CACNA1A: variants seen among roughly 807,000 people sequenced by gnomAD.
The protein encoded by CACNA1A is voltage-dependent P/Q-type calcium channel subunit alpha-1A.
In CACNA1A, 57 loss-of-function variants were observed where a neutral mutation model predicts 262.4. That is an observed-to-expected ratio of 0.22 (90% confidence interval 0.18 to 0.27). The LOEUF (loss-of-function observed/expected upper bound fraction) is 0.27, where lower values mean the gene tolerates loss of function less well. Ranked by LOEUF, CACNA1A falls within the 10% of genes least tolerant of loss-of-function variation. The pLI is 1.00. For synonymous variants in CACNA1A, 1,431 were observed against 1,419.3 expected (o/e 1.01, Z -0.18); for missense variants, 2,526 against 3,562.8 (o/e 0.71, Z 7.41).
At chr19:13,446,457 T>A (rs1027097034) in intron 3 of CACNA1A, among the ~76,000 whole-genome samples, 16 of 147,876 alleles carry the variant, frequency 1.1e-4, no homozygotes, top group Non-Finnish European at 1.8e-4. Flanking sequence ...TTTTTTTTTT[T>A]TTGAGACAGA....
At chr19:13,422,196 C>T (rs372373154) in intron 3 of CACNA1A, among the ~76,000 whole-genome samples, 1 of 152,040 alleles carries the variant, frequency 6.6e-6, no homozygotes. Context: ...TGGCATGCAC[C>T]TGTGGGCTCA....
intron 3 of CACNA1A, among the ~76,000 whole-genome samples, chr19:13,380,749 G>GTTTATTTA (rs758031682): frequency 0.03 from 2,452 of 80,978 alleles, 39 homozygotes; most frequent in Non-Finnish European, 0.044. Flanking sequence ...TTGTTTGTTT[G>GTTTATTTA]TTTATTTATT....
At chr19:13,329,212 T>C (rs986353672) in intron 10 of CACNA1A, among the ~76,000 whole-genome samples, 3 of 152,174 alleles carry the variant, frequency 2.0e-5, no homozygotes, top group African/African-American at 7.2e-5. Context: ...CTCTGGCCCT[T>C]GTGGTGGCAA....
At chr19:13,356,806 C>T (rs536772890) in intron 6 of CACNA1A, among the ~76,000 whole-genome samples, 1 of 152,292 alleles carries the variant, frequency 6.6e-6, no homozygotes, top group South Asian at 2.1e-4. Flanking sequence ...AAAGTAAAAA[C>T]CTAGAACCCA....
At position 13,207,327 on chromosome 19, in the gene CACNA1A, C is replaced by G. The variant is rs780693455; in HGVS notation, c.7507G>C (p.Asp2503His). The change falls in exon 47 of 47, where the codon GAT becomes CAT. Residue 2503 changes from aspartate (D) to histidine (H), a missense_variant. Asp to His is a moderately conservative substitution (Grantham distance 81). Coordinates refer to ENST00000360228, the MANE Select transcript of CACNA1A (RefSeq NM_001127222.2). This position sits in a 1 kb window ranked among gnomAD's most constrained non-coding sequence, Gnocchi z 5.7. ...GLHEPYSESD[D>H]DWC ...CTCGCCCGGGCTTAGCACCAATCAT[C>G]GTCACTCTCGCTGTAGGGTTCGTGC... 1 of 1,560,324 alleles carries G rather than the reference C, an allele frequency of 6.4e-7. No individual in the cohort carries two copies. Among genetic ancestry groups the G allele is most frequent in the Non-Finnish European group, 8.6e-7 (1 of 1,160,530 alleles).
chr19:13,495,626 A>G (rs1022437987), intron 1 of CACNA1A, among the ~76,000 whole-genome samples: 2 of 152,204 alleles, frequency 1.3e-5, no homozygotes, highest in Admixed American at 6.5e-5. Context: ...TGGAAAAGGT[A>G]CAAATAAGGT....
At chr19:13,482,832 C>G (rs1037720984) in intron 1 of CACNA1A, among the ~76,000 whole-genome samples, 1 of 150,942 alleles carries the variant, frequency 6.6e-6, no homozygotes, top group African/African-American at 2.4e-5. Context: ...TTCTCTCCCC[C>G]CTTCTTTCTC....
At chr19:13,228,845 TC>T in intron 36 of CACNA1A, 1 of 1,075,854 alleles carries the variant, frequency 9.3e-7, no homozygotes. Flanking sequence ...TCACACGGGC[TC>T]CCTGGGCACA....
At chr19:13,314,098 A>C (rs1330420008) in intron 11 of CACNA1A, among the ~76,000 whole-genome samples, 2 of 152,224 alleles carry the variant, frequency 1.3e-5, no homozygotes, top group African/African-American at 2.4e-5. Context: ...GCTCCAGCAA[A>C]TAAATGGCTG....
At chr19:13,233,219 G>A (rs1463933293) in intron 34 of CACNA1A, among the ~76,000 whole-genome samples, 1 of 151,936 alleles carries the variant, frequency 6.6e-6, no homozygotes, top group Non-Finnish European at 1.5e-5. Context: ...GGCTTGGCCT[G>A]CCCTTCCCCA....
chr19:13,404,071 A>T (rs944068018), intron 3 of CACNA1A, among the ~76,000 whole-genome samples: 1 of 152,110 alleles, frequency 6.6e-6, no homozygotes, highest in African/African-American at 2.4e-5. Context: ...TCTGTGCCTC[A>T]AGTCTTATTT....
intron 1 of CACNA1A, among the ~76,000 whole-genome samples, chr19:13,500,954 C>T (rs10405370): frequency 0.73 from 110,208 of 151,980 alleles, 40,941 homozygotes; most frequent in African/African-American, 0.9. Flanking sequence ...TGTGAAATTA[C>T]ATTTATATGA....
chr19:13,228,652 G>T, intron 36 of CACNA1A: 1 of 793,278 alleles, frequency 1.3e-6, no homozygotes, highest in Non-Finnish European at 2.0e-6. Flanking sequence ...AGAACCCCAA[G>T]CCACACTCAT....
At position 13,249,998 on chromosome 19, in the gene CACNA1A, G is replaced by T. The variant is rs532688584; in HGVS notation, c.4866+2993C>A. 3.9e-5 allele frequency among the ~76,000 whole-genome samples: 6 copies of T among 152,170 alleles called. No homozygotes were observed. The South Asian group carries it at 1.2e-3, about 32-fold the overall frequency. On this transcript the variant is annotated intron_variant, in intron 30 of 46. Coordinates refer to ENST00000360228, the MANE Select transcript of CACNA1A (RefSeq NM_001127222.2). ...CAAGTCCCACCTTGGCCACTCACTG[G>T]GGACCTTCAAGAATTCACTTCACTT...
chr19:13,436,191 G>A lies in CACNA1A; in HGVS notation c.539+16685C>T, dbSNP rs553729239. Among the ~76,000 whole-genome samples, 69 of 152,270 alleles carry A rather than the reference G, an allele frequency of 4.5e-4. 1 individual carries two copies. Among genetic ancestry groups the A allele is most frequent in the African/African-American group, 1.6e-3 (66 of 41,528 alleles). On this transcript the variant is annotated intron_variant, in intron 3 of 46. Coordinates refer to ENST00000360228, the MANE Select transcript of CACNA1A (RefSeq NM_001127222.2). ...ATCAGGGATTGTTCCCTGAGCCTTC[G>A]CTTTTTCGAAGCACTCAGCATTCCT...
intron 1 of CACNA1A, among the ~76,000 whole-genome samples, chr19:13,473,717 G>C (rs1190285330): frequency 6.6e-6 from 1 of 151,730 alleles, no homozygotes; most frequent in Non-Finnish European, 1.5e-5. Flanking sequence ...TCCCCACCAT[G>C]TACATCCCAG....
chr19:13,321,187 C>A (rs1382857154), intron 10 of CACNA1A, among the ~76,000 whole-genome samples: 2 of 152,028 alleles, frequency 1.3e-5, no homozygotes, highest in Admixed American at 1.3e-4. Context: ...GTGCCCACTA[C>A]CACGTCCGAA....
At position 13,207,547 on chromosome 19, in the gene CACNA1A, G is replaced by A. The variant is rs373476869; in HGVS notation, c.7287C>T (p.Ala2429=). Residue 2429 remains alanine, a synonymous_variant, in exon 47 of 47, where the codon GCC becomes GCT. Transcript: ENST00000360228. This position sits in a 1 kb window ranked among gnomAD's most constrained non-coding sequence, Gnocchi z 5.7. The part of the protein sequence containing the change: ...DGPGSGGGEE[A]MAGAYDAPPP... ...GTGGCGCGTCGTAGGCCCCGGCCATGGCCTCCTCGCCGCCCCCGCTGCCCG... is the reference window on the plus strand; with the variant it reads ...GTGGCGCGTCGTAGGCCCCGGCCATAGCCTCCTCGCCGCCCCCGCTGCCCG... 2 of 1,458,100 alleles carry A rather than the reference G, an allele frequency of 1.4e-6. No individual in the cohort carries two copies. Among genetic ancestry groups the A allele is most frequent in the East Asian group, 6.1e-5 (2 of 32,658 alleles). The allele number at this position is 1,458,100 out of a possible 1,614,324, so 90.3% of individuals were successfully genotyped here.
chr19:13,265,679 T>G (rs557374774), intron 24 of CACNA1A, among the ~76,000 whole-genome samples: 1 of 152,240 alleles, frequency 6.6e-6, no homozygotes, highest in African/African-American at 2.4e-5. Flanking sequence ...TTATTATACT[T>G]TAAGTTTCTT....
Sources: gnomAD v4.1 joint callset for allele counts (sites outside exome capture counted in the v4.1 genomes callset) on GRCh38, gnomAD v4.1.1 for gene constraint, Gnocchi (gnomAD v3.1) non-coding constraint, MANE v1.5 for transcripts, NCBI Gene and HGNC (gene_info 2026-07-23, HGNC 2026-07-21) for gene names.